Variants in SUGCT observed in about 807,000 individuals in gnomAD.
SUGCT encodes succinyl-CoA:glutarate CoA-transferase.
A neutral mutation model predicts 55.0 loss-of-function variants in SUGCT; 41 were observed. That is an observed-to-expected ratio of 0.74 (90% confidence interval 0.58 to 0.97). SUGCT has a LOEUF of 0.97. SUGCT is among the 50% of genes least tolerant of loss of function. The pLI is 0.00. For synonymous variants in SUGCT, 187 were observed against 200.4 expected, an observed-to-expected ratio of 0.93 and a Z score of 0.56; for missense variants, 568 against 547.8, an observed-to-expected ratio of 1.04 and a Z score of -0.37.
At chr7:40,923,607 G>A in the SUGCT span, among the ~76,000 whole-genome samples, 8,193 of 152,134 alleles carry the variant, frequency 0.054, 224 homozygotes, top group South Asian at 0.073. Context: ...TCTCCTCTAA[G>A]GAAAAAGCAC....
intron 12 of SUGCT, among the ~76,000 whole-genome samples, chr7:40,506,414 C>T (rs971255286): frequency 6.6e-6 from 1 of 152,062 alleles, no homozygotes; most frequent in Non-Finnish European, 1.5e-5. Flanking sequence ...TTTTGCTCCT[C>T]TGTTCAAGGA....
chr7:40,498,340 C>A (rs1306982699), intron 12 of SUGCT, among the ~76,000 whole-genome samples: 1 of 152,188 alleles, frequency 6.6e-6, no homozygotes, highest in African/African-American at 2.4e-5. Context: ...ACTCAGTACA[C>A]AATGTGTACC....
chr7:40,772,297 T>C (rs899031827), intron 13 of SUGCT, among the ~76,000 whole-genome samples: 1 of 152,180 alleles, frequency 6.6e-6, no homozygotes, highest in African/African-American at 2.4e-5. Context: ...TTGCAGATTG[T>C]TTCAAGTTCC....
chr7:40,508,395 C>T (rs1204550600), intron 12 of SUGCT, among the ~76,000 whole-genome samples: 1 of 152,192 alleles, frequency 6.6e-6, no homozygotes, highest in Non-Finnish European at 1.5e-5. Context: ...ATAGCTTCTG[C>T]AGCACAGGCT....
At chr7:40,539,724 G>T (rs1021887752) in intron 12 of SUGCT, 3 of 152,086 alleles carry the variant, frequency 2.0e-5, no homozygotes, top group African/African-American at 7.2e-5. Flanking sequence ...TAATGATATT[G>T]TACAAAGTAA....
intron 1 of SUGCT, among the ~76,000 whole-genome samples, chr7:40,175,152 T>G (rs1251684919): frequency 2.0e-5 from 3 of 152,190 alleles, no homozygotes; most frequent in Non-Finnish European, 4.4e-5. Flanking sequence ...TTCTTCTTTA[T>G]TTTTTAGCCT....
the SUGCT span, among the ~76,000 whole-genome samples, chr7:40,920,968 C>T: frequency 6.6e-6 from 1 of 152,164 alleles, no homozygotes; most frequent in South Asian, 2.1e-4. Flanking sequence ...TATTCCTGTG[C>T]TATGCTCACT....
chr7:40,994,655 T>C, the SUGCT span, among the ~76,000 whole-genome samples: 1 of 152,138 alleles, frequency 6.6e-6, no homozygotes, highest in Non-Finnish European at 1.5e-5. Flanking sequence ...CTGCTAAAAT[T>C]TGGATATTTG....
intron 12 of SUGCT, among the ~76,000 whole-genome samples, chr7:40,620,322 C>T (rs959621144): frequency 2.0e-5 from 3 of 152,152 alleles, no homozygotes; most frequent in African/African-American, 7.2e-5. Context: ...AGATATTTAA[C>T]CTCAAGATAT....
chr7:40,163,534 G>A (rs1784279335), intron 1 of SUGCT, among the ~76,000 whole-genome samples: 1 of 151,594 alleles, frequency 6.6e-6, no homozygotes, highest in Admixed American at 6.6e-5. Flanking sequence ...GAACTGTGGA[G>A]GCGGAGGATG....
intron 13 of SUGCT, among the ~76,000 whole-genome samples, chr7:40,806,049 A>G (rs966133911): frequency 3.3e-5 from 5 of 152,220 alleles, no homozygotes; most frequent in African/African-American, 9.6e-5. Context: ...TCAAATATCA[A>G]GCATCCAAGT....
chr7:40,852,688 G>A (rs1793910671), intron 13 of SUGCT, among the ~76,000 whole-genome samples: 1 of 150,460 alleles, frequency 6.6e-6, no homozygotes, highest in African/African-American at 2.5e-5. Flanking sequence ...CGTATTGATA[G>A]CTCAGCTTCC....
intron 9 of SUGCT, among the ~76,000 whole-genome samples, chr7:40,324,244 A>ATATATATATATATATATATATATAT (rs1562681042): frequency 5.1e-5 from 5 of 98,426 alleles, no homozygotes; most frequent in African/African-American, 1.3e-4. Context: ...TAAATAAATA[A>ATATATATATATATATATATATATAT]ATAAATAAAT....
chr7:40,983,782 C>G, the SUGCT span, among the ~76,000 whole-genome samples: 751 of 152,282 alleles, frequency 4.9e-3, 5 homozygotes, highest in African/African-American at 0.017. Flanking sequence ...TAGCACAAAG[C>G]ATGTTAGCAA....
In SUGCT at chr7:40,362,857, G is replaced by A. The variant is rs561023387; in HGVS notation, c.816+46002G>A. Among the ~76,000 whole-genome samples the A allele has an allele frequency of 2.0e-5, 3 of 152,140 alleles. No individual in the cohort carries two copies. The South Asian group carries it at 6.2e-4, about 32-fold the overall frequency. On this transcript the variant is annotated intron_variant, in intron 9 of 13. Transcript: ENST00000335693. The stretch of plus-strand genomic sequence containing the variant: ...TGGTGTGATTAGAATGTGGCTTTTA[G>A]CCATTCTATTTCTAAAGTGCAATTT...
intron 1 of SUGCT, among the ~76,000 whole-genome samples, chr7:40,175,476 T>TCCC (rs1367813675): frequency 9.2e-5 from 14 of 152,160 alleles, no homozygotes; most frequent in African/African-American, 3.4e-4. Context: ...TGCCTCCTCC[T>TCCC]CCCAAAGTGC....
chr7:40,865,136 A>G (rs73314005), downstream of SUGCT, among the ~76,000 whole-genome samples: 556 of 150,142 alleles, frequency 3.7e-3, 5 homozygotes, highest in African/African-American at 0.013. Context: ...CTGTCCTTTT[A>G]TCTTCCAACC....
intron 12 of SUGCT, among the ~76,000 whole-genome samples, chr7:40,708,884 T>A (rs1785560340): frequency 6.6e-6 from 1 of 152,208 alleles, no homozygotes; most frequent in African/African-American, 2.4e-5. Context: ...TTCATCTGTT[T>A]ATTGCCAGTC....
intron 5 of SUGCT, 28 bp downstream of exon 5, chr7:40,189,622 T>C: frequency 7.6e-7 from 1 of 1,317,568 alleles, no homozygotes; most frequent in East Asian, 2.8e-5. Flanking sequence ...GAAAGCATCC[T>C]ACCACCTAGG....
Sources: gnomAD v4.1 joint callset for allele counts (sites outside exome capture counted in the v4.1 genomes callset) on GRCh38, gnomAD v4.1.1 for gene constraint, MANE v1.5 for transcripts, NCBI Gene and HGNC (gene_info 2026-07-23, HGNC 2026-07-21) for gene names.